The following GRM7 variants were observed in gnomAD, a reference collection of about 807,000 sequenced individuals.
GRM7 encodes the protein metabotropic glutamate receptor 7.
GRM7 carries 35 observed loss-of-function variants against 84.5 expected under a neutral mutation model. The ratio of observed to expected loss-of-function variants is 0.41; its 90% CI spans 0.32 to 0.55. The LOEUF is 0.55. GRM7 is among the 20% of genes least tolerant of loss of function. The pLI is 0.19. For synonymous variants in GRM7, 487 were observed against 455.1 expected (o/e 1.07, Z -0.89); for missense variants, 1,003 against 1,194.6 (o/e 0.84, Z 2.36).
chr3:7,260,538 A>C (rs1332837424), intron 2 of GRM7, among the ~76,000 whole-genome samples: 1 of 152,166 alleles, frequency 6.6e-6, no homozygotes, highest in African/African-American at 2.4e-5. Context: ...TTCTGGGGTC[A>C]GTAGTAACGT....
intron 9 of GRM7, among the ~76,000 whole-genome samples, chr3:7,696,192 A>T (rs908524260): frequency 1.3e-5 from 2 of 152,160 alleles, no homozygotes; most frequent in Non-Finnish European, 2.9e-5. Flanking sequence ...GTTTGGACCC[A>T]TTTCTTTTGT....
At chr3:7,092,707 T>C (rs1698713310) in intron 1 of GRM7, among the ~76,000 whole-genome samples, 1 of 151,138 alleles carries the variant, frequency 6.6e-6, no homozygotes, top group Admixed American at 6.6e-5. Flanking sequence ...AAGGGGGAGG[T>C]CATATTTATC....
chr3:7,547,512 A>C (rs1487398840), intron 7 of GRM7, among the ~76,000 whole-genome samples: 2 of 152,120 alleles, frequency 1.3e-5, no homozygotes, highest in Non-Finnish European at 2.9e-5. Flanking sequence ...CCAAGAGTGA[A>C]TTATTAATAG....
intron 7 of GRM7, among the ~76,000 whole-genome samples, chr3:7,550,816 A>T (rs990557475): frequency 2.0e-5 from 3 of 151,940 alleles, no homozygotes; most frequent in African/African-American, 7.3e-5. Flanking sequence ...GATGGTGCGT[A>T]CTCAAATCCC....
intron 4 of GRM7, among the ~76,000 whole-genome samples, chr3:7,409,863 C>G (rs1184950495): frequency 6.6e-6 from 1 of 152,088 alleles, no homozygotes; most frequent in Non-Finnish European, 1.5e-5. Context: ...GCCTCCCAAA[C>G]TGCTGGGATT....
chr3:6,970,253 G>C (rs1229097012), intron 1 of GRM7, among the ~76,000 whole-genome samples: 3 of 152,100 alleles, frequency 2.0e-5, no homozygotes, highest in South Asian at 2.1e-4. Flanking sequence ...TAATGTTTAA[G>C]TGTCTGCAGT....
At chr3:7,701,938 T>C (rs764945986) in intron 9 of GRM7, among the ~76,000 whole-genome samples, 1 of 152,214 alleles carries the variant, frequency 6.6e-6, no homozygotes, top group Non-Finnish European at 1.5e-5. Context: ...ATCCATTTTT[T>C]ACACTATCAT....
intron 9 of GRM7, among the ~76,000 whole-genome samples, chr3:7,694,682 T>C (rs1257891661): frequency 6.6e-6 from 1 of 152,200 alleles, no homozygotes; most frequent in Non-Finnish European, 1.5e-5. Flanking sequence ...CAACGCATGT[T>C]TCCTGACTCT....
At chr3:6,978,985 G>A (rs1694099081) in intron 1 of GRM7, among the ~76,000 whole-genome samples, 1 of 152,130 alleles carries the variant, frequency 6.6e-6, no homozygotes, top group Non-Finnish European at 1.5e-5. Flanking sequence ...CTGGGAGAGT[G>A]TATACATGTT....
At chr3:7,555,378 C>T (rs1693708764) in intron 7 of GRM7, among the ~76,000 whole-genome samples, 1 of 152,172 alleles carries the variant, frequency 6.6e-6, no homozygotes, top group Admixed American at 6.5e-5. Flanking sequence ...TGTTAACTGG[C>T]TCTATAGAAT....
chr3:7,698,667 T>G (rs162771), intron 9 of GRM7, among the ~76,000 whole-genome samples: 62,930 of 152,054 alleles, frequency 0.41, 16,241 homozygotes, highest in Non-Finnish European at 0.59. Context: ...CAATTCTTGT[T>G]GCAGTGGGCT....
At chr3:7,398,619 T>G (rs547768321) in intron 4 of GRM7, among the ~76,000 whole-genome samples, 70 of 152,198 alleles carry the variant, frequency 4.6e-4, no homozygotes, top group African/African-American at 1.6e-3. Context: ...GGTGGGTTTT[T>G]TGTGTGTATA....
At chr3:7,167,219 C>A (rs1448721067) in intron 2 of GRM7, among the ~76,000 whole-genome samples, 1 of 152,128 alleles carries the variant, frequency 6.6e-6, no homozygotes, top group African/African-American at 2.4e-5. Context: ...TAAGAAGCAC[C>A]ATCTCTAATA....
intron 1 of GRM7, among the ~76,000 whole-genome samples, chr3:6,978,929 A>T (rs1440966853): frequency 6.6e-6 from 1 of 152,168 alleles, no homozygotes; most frequent in Admixed American, 6.5e-5. Flanking sequence ...GGACATTCAT[A>T]AAGTTTTGTT....
At chr3:7,175,952 T>C (rs577267703) in intron 2 of GRM7, among the ~76,000 whole-genome samples, 52 of 152,284 alleles carry the variant, frequency 3.4e-4, no homozygotes, top group Middle Eastern at 3.4e-3. Context: ...GATTAATCTT[T>C]ATCTATCTGT....
intron 4 of GRM7, among the ~76,000 whole-genome samples, chr3:7,354,055 C>G (rs1045756889): frequency 1.3e-5 from 2 of 151,308 alleles, no homozygotes; most frequent in African/African-American, 4.9e-5. Context: ...GTTGAGTCAG[C>G]TTATAGACCC....
intron 8 of GRM7, among the ~76,000 whole-genome samples, chr3:7,608,794 C>G (rs1204273020): frequency 2.6e-5 from 4 of 152,062 alleles, no homozygotes; most frequent in African/African-American, 9.7e-5. Context: ...TTGCCAGTTC[C>G]TATGTCCGGG....
intron 8 of GRM7, among the ~76,000 whole-genome samples, chr3:7,640,743 A>C (rs1354269341): frequency 1.3e-4 from 20 of 152,170 alleles, no homozygotes; most frequent in Admixed American, 1.3e-3. Flanking sequence ...GACTTGGAAA[A>C]CTATAAAAAT....
chr3:7,627,124 TGTG>T (rs1339979955), intron 8 of GRM7, among the ~76,000 whole-genome samples: 3 of 152,178 alleles, frequency 2.0e-5, no homozygotes, highest in African/African-American at 7.2e-5. Context: ...TCAAAAGTAT[TGTG>T]GTGCAAACCA....
Sources: allele counts gnomAD v4.1 joint callset (sites outside exome capture counted in the v4.1 genomes callset), GRCh38; gene constraint gnomAD v4.1.1; transcripts MANE v1.5; gene names NCBI Gene and HGNC (gene_info 2026-07-23, HGNC 2026-07-21).